Variants in OSGEPL1 observed in about 807,000 individuals in gnomAD.
OSGEPL1 encodes O-sialoglycoprotein endopeptidase like 1.
Under a neutral mutation model 37.2 loss-of-function variants are expected in OSGEPL1, and 26 were observed. The ratio of observed to expected loss-of-function variants is 0.70; its 90% CI spans 0.51 to 0.97. The LOEUF is 0.97. OSGEPL1 is among the 50% of genes least tolerant of loss of function. The pLI, the probability that OSGEPL1 is intolerant of heterozygous loss-of-function variation, is 0.00. For missense variants in OSGEPL1, 404 were observed against 487.0 expected, an observed-to-expected ratio of 0.83 and a Z score of 1.60; for synonymous variants, 140 against 159.9, an observed-to-expected ratio of 0.88 and a Z score of 0.94.
At chr2:189,747,463 AATCATTGCCC>A in intron 8 of OSGEPL1, 1 of 152,192 alleles carries the variant, frequency 6.6e-6, no homozygotes, top group East Asian at 1.9e-4. Flanking sequence ...TAAAATCTGA[AATCATTGCCC>A]ATCAAGTACA....
chr2:189,761,449 T>G lies in OSGEPL1; in HGVS notation c.192A>C (p.Ala64=), dbSNP rs774518569. 1 of 1,609,128 alleles carries G rather than the reference T, an allele frequency of 6.2e-7. No homozygotes were observed. Among genetic ancestry groups the G allele is most frequent in the African/African-American group, 1.3e-5 (1 of 74,722 alleles). The change falls in exon 2 of 9, where the codon GCA becomes GCC. Residue 64 remains alanine (A), a synonymous_variant. Transcript: ENST00000264151. ...VDETGNVLGE[A]IHSQTEVHLK... is the part of the protein sequence containing the mutation. ...AATGAACTTCAGTTTGGGAATGTAT[T>G]GCTTCTCCCAACACATTTCCAGTTT...
chr2:189,754,813 G>A, intron 3 of OSGEPL1: 1 of 258,822 alleles, frequency 3.9e-6, no homozygotes. Flanking sequence ...TCTGTGCATT[G>A]CATCTTTAAT....
chr2:189,747,736 AGGCT>A (rs2105930431), intron 8 of OSGEPL1, among the ~76,000 whole-genome samples: 1 of 152,208 alleles, frequency 6.6e-6, no homozygotes, highest in Admixed American at 6.5e-5. Flanking sequence ...TCTGTCACCC[AGGCT>A]GGAGTGCAGT....
At chr2:189,753,171 C>T (rs1306733850) in intron 5 of OSGEPL1, 192 bp from the exon 6 acceptor site, 1 of 392,896 alleles carries the variant, frequency 2.5e-6, no homozygotes, top group South Asian at 7.0e-5. Context: ...TAATAGCATA[C>T]AAACATTACT....
In OSGEPL1 at chr2:189,749,597, A is replaced by C. The variant is rs185115004; in HGVS notation, c.*28+953T>G. Reference sequence around the variant, plus strand: ...ATTTATTTCCATCTGATTATATACAATTTCTCAAATAACTGATGTGAAAGT... The same window carrying C: ...ATTTATTTCCATCTGATTATATACACTTTCTCAAATAACTGATGTGAAAGT... On this transcript the variant is annotated intron_variant, in intron 8 of 8. Transcript: ENST00000264151. 6.3e-4 allele frequency among the ~76,000 whole-genome samples: 96 copies of C among 152,298 alleles called. 2 individuals are homozygous for C. Among genetic ancestry groups the C allele is most frequent in the Admixed American group, 6.1e-3 (94 of 15,304 alleles).
chr2:189,761,830 C>T (rs1010460767), intron 1 of OSGEPL1, among the ~76,000 whole-genome samples, 170 bp from the exon 2 acceptor site: 1 of 152,080 alleles, frequency 6.6e-6, no homozygotes, highest in African/African-American at 2.4e-5. Context: ...ATATAATGTT[C>T]TCCAAGGGGG....
intron 2 of OSGEPL1, among the ~76,000 whole-genome samples, chr2:189,756,062 A>G (rs1014463447): frequency 1.3e-5 from 2 of 152,220 alleles, no homozygotes; most frequent in African/African-American, 4.8e-5. Flanking sequence ...AAGGCATCAA[A>G]GTTTGTTCAG....
intron 8 of OSGEPL1, 92 bp downstream of exon 8, chr2:189,750,458 A>G: frequency 3.4e-6 from 2 of 585,534 alleles, no homozygotes; most frequent in East Asian, 6.4e-5. Flanking sequence ...ATAGAAAAAA[A>G]AAAATAAAAT....
At chr2:189,763,029 A>G, upstream of OSGEPL1, 1 of 985,380 alleles carries the variant, frequency 1.0e-6, no homozygotes, top group Non-Finnish European at 1.2e-6. Flanking sequence ...TCCAAACACT[A>G]AGCTACATTA....
chr2:189,753,505 T>A (rs934318828), intron 5 of OSGEPL1, among the ~76,000 whole-genome samples: 7 of 152,244 alleles, frequency 4.6e-5, no homozygotes, highest in African/African-American at 1.7e-4. Context: ...TTATCAACAT[T>A]AGTGTCACGA....
intron 8 of OSGEPL1, among the ~76,000 whole-genome samples, chr2:189,748,851 T>C (rs2044600128): frequency 6.6e-6 from 1 of 152,190 alleles, no homozygotes; most frequent in South Asian, 2.1e-4. Context: ...CAGAGTTTCT[T>C]TGCATTCAAT....
chr2:189,754,138 T>C lies in OSGEPL1; in HGVS notation c.814+3A>G. 1 of 1,613,080 alleles carries C rather than the reference T, an allele frequency of 6.2e-7. No homozygotes were observed. The highest frequency in any genetic ancestry group is 8.5e-7 in the Non-Finnish European group (1 of 1,179,424). On this transcript the variant is annotated splice_donor_region_variant and intron_variant, in intron 4 of 8. Coordinates refer to ENST00000264151, the MANE Select transcript of OSGEPL1 (RefSeq NM_022353.3). ...TGTTCAACTTTACTAATTAGAAATA[T>C]ACCTTCCTCTTTTTCCTTTTTCATT...
chr2:189,761,726 T>C, intron 1 of OSGEPL1, 66 bp from the exon 2 acceptor site: 1 of 1,409,796 alleles, frequency 7.1e-7, no homozygotes, highest in Non-Finnish European at 9.3e-7. Context: ...TTTTTCAATA[T>C]ATAGTTTTAC....
intron 2 of OSGEPL1, among the ~76,000 whole-genome samples, chr2:189,758,645 C>T (rs2046463478): frequency 6.6e-6 from 1 of 152,230 alleles, no homozygotes; most frequent in Non-Finnish European, 1.5e-5. Context: ...TTCTTTCCAT[C>T]TCCATTCACT....
chr2:189,755,640 C>T (rs574484862), intron 2 of OSGEPL1, 80 bp from the exon 3 acceptor site: 7 of 1,438,164 alleles, frequency 4.9e-6, no homozygotes, highest in Middle Eastern at 1.8e-4. Flanking sequence ...AAAAGCATGT[C>T]TTCAAGTTAA....
chr2:189,758,333 A>G (rs1265583100), intron 2 of OSGEPL1, among the ~76,000 whole-genome samples: 1 of 151,908 alleles, frequency 6.6e-6, no homozygotes, highest in Non-Finnish European at 1.5e-5. Context: ...ATGAGCCAAG[A>G]TTGCACCATT....
rs758623953 is a variant in OSGEPL1 at position 189,755,448 on chromosome 2, T to C, written c.334A>G (p.Ile112Val). ...AGTCCTGGTTTTATGGTAGTTGCAA[T>C]TGCTGAGAGGTCACTTGGAGAGACT... is the stretch of plus-strand genomic sequence containing the variant. ...SGVSPSDLSA[I>V]ATTIKPGLAL... Residue 112 changes from isoleucine (I) to valine (V), a missense_variant, in exon 3 of 9, where the codon ATT (isoleucine) becomes GTT (valine). By Grantham distance (29) the Ile-to-Val change is conservative. Coordinates refer to ENST00000264151, the MANE Select transcript of OSGEPL1 (RefSeq NM_022353.3). 1.1e-5 allele frequency: 17 copies of C among 1,607,290 alleles called. No homozygotes were observed. The highest frequency in any genetic ancestry group is 1.4e-5 in the Non-Finnish European group (16 of 1,178,394).
intron 3 of OSGEPL1, chr2:189,754,641 A>G (rs1376391823): frequency 1.2e-5 from 4 of 344,416 alleles, no homozygotes; most frequent in Non-Finnish European, 1.6e-5. Flanking sequence ...CGTCAATAAT[A>G]AGAACTTGTC....
At chr2:189,754,965 T>TGAA (rs1343786097) in intron 3 of OSGEPL1, 4 of 601,390 alleles carry the variant, frequency 6.7e-6, no homozygotes, top group Admixed American at 3.6e-5. Context: ...TGTACAGATA[T>TGAA]GAACCTCTTA....
Sources: gnomAD v4.1 joint callset for allele counts (sites outside exome capture counted in the v4.1 genomes callset) on GRCh38, gnomAD v4.1.1 for gene constraint, MANE v1.5 for transcripts, NCBI Gene and HGNC (gene_info 2026-07-23, HGNC 2026-07-21) for gene names.